Variants in ZNF608 observed in about 807,000 individuals in gnomAD.
The protein encoded by ZNF608 is zinc finger protein 608.
ZNF608 carries 12 observed loss-of-function variants against 109.0 expected under a neutral mutation model. The ratio of observed to expected loss-of-function variants is 0.11; its 90% CI spans 0.07 to 0.18. The LOEUF (loss-of-function observed/expected upper bound fraction) is 0.18, where lower values mean the gene tolerates loss of function less well. ZNF608 is among the 10% of genes least tolerant of loss of function. ZNF608 has a pLI of 1.00. For synonymous variants in ZNF608, 732 were observed against 717.4 expected (o/e 1.02, Z -0.33); for missense variants, 1,707 against 1,879.3 (o/e 0.91, Z 1.70).
chr5:124,691,536 G>A (rs1752632076), intron 3 of ZNF608, among the ~76,000 whole-genome samples: 1 of 152,184 alleles, frequency 6.6e-6, no homozygotes, highest in Non-Finnish European at 1.5e-5. Flanking sequence ...GTATTCCCAT[G>A]TTCATCACAG....
chr5:124,705,393 T>C (rs1419396566), intron 2 of ZNF608, among the ~76,000 whole-genome samples: 1 of 152,156 alleles, frequency 6.6e-6, no homozygotes, highest in Non-Finnish European at 1.5e-5. Flanking sequence ...ACTCAGTGTC[T>C]AGTTCTAAGA....
At chr5:124,664,648 C>A (rs1286775728) in intron 3 of ZNF608, among the ~76,000 whole-genome samples, 1 of 152,182 alleles carries the variant, frequency 6.6e-6, no homozygotes, top group East Asian at 1.9e-4. Flanking sequence ...GAAAGCTTAA[C>A]TGGCTGACTT....
chr5:124,638,591 A>G (rs1313155322), intron 9 of ZNF608, among the ~76,000 whole-genome samples: 1 of 152,220 alleles, frequency 6.6e-6, no homozygotes, highest in Non-Finnish European at 1.5e-5. Context: ...CCAGAAAACC[A>G]TAAGACCGAT....
intron 7 of ZNF608, 130 bp downstream of exon 7, chr5:124,643,381 T>G (rs748387289): frequency 3.4e-4 from 279 of 828,970 alleles, no homozygotes; most frequent in Middle Eastern, 1.9e-3. Context: ...TCTTTACGTA[T>G]TAGGATAAAA....
intron 2 of ZNF608, among the ~76,000 whole-genome samples, chr5:124,727,328 C>A (rs1211489854): frequency 6.6e-6 from 1 of 152,170 alleles, no homozygotes; most frequent in Non-Finnish European, 1.5e-5. Context: ...TTATCACATC[C>A]ATTATCTTTC....
Position 124,738,982 on chromosome 5 carries a change from A to T in ZNF608, c.906+5102T>A, listed in dbSNP as rs552547966. On this transcript the variant is annotated intron_variant, in intron 2 of 9. Transcript: ENST00000513986. ...AAGAACTAGGAGTAGTAGATTTATG[A>T]TTTAAGTGCTTGTGGCTAAAATAGC... is the stretch of plus-strand genomic sequence containing the variant. Among the ~76,000 whole-genome samples the T allele has an allele frequency of 3.3e-5, 5 of 152,350 alleles. No homozygotes were observed. In the East Asian group the frequency reaches 9.6e-4, roughly 29 times the overall value.
At chr5:124,659,843 C>T (rs1751174561) in intron 3 of ZNF608, among the ~76,000 whole-genome samples, 1 of 152,224 alleles carries the variant, frequency 6.6e-6, no homozygotes, top group African/African-American at 2.4e-5. Context: ...AAAGCTGCTA[C>T]TGATCCATGT....
At chr5:124,693,899 G>A (rs1232050493) in intron 3 of ZNF608, among the ~76,000 whole-genome samples, 1 of 149,004 alleles carries the variant, frequency 6.7e-6, no homozygotes, top group Non-Finnish European at 1.5e-5. Context: ...TCTATTGTAC[G>A]CCTATGTGAA....
chr5:124,661,566 T>C lies in ZNF608; in HGVS notation c.1163-11869A>G, dbSNP rs967996936. 3.3e-5 allele frequency among the ~76,000 whole-genome samples: 5 copies of C among 152,052 alleles called. No individual in the cohort carries two copies. In the South Asian group the frequency reaches 1.0e-3, roughly 32 times the overall value. On this transcript the variant is annotated intron_variant, in intron 3 of 9. Transcript: ENST00000513986. ...AGCTCTTTTCTGTAAACAAGCCTAA[T>C]GAAGTGTGACTAATAGTGCTCTCCT...
intron 3 of ZNF608, among the ~76,000 whole-genome samples, chr5:124,681,705 T>C (rs895403994): frequency 5.3e-5 from 8 of 152,150 alleles, no homozygotes; most frequent in African/African-American, 1.9e-4. Flanking sequence ...ACTAGGACCA[T>C]GCTACTCACT....
rs1157060366 is a variant in ZNF608, at chr5:124,711,362, C to T, written c.907-10093G>A. Among the ~76,000 whole-genome samples, 4 of 152,240 alleles carry T rather than the reference C, an allele frequency of 2.6e-5. No homozygotes were observed. In the East Asian group the frequency reaches 5.8e-4, roughly 22 times the overall value. ...GCCTTCTATGCTGCTTAAATTTTGA[C>T]ATGACCATATACTATTTTACCATTT... On this transcript the variant is annotated intron_variant, in intron 2 of 9. Coordinates refer to ENST00000513986, the MANE Select transcript of ZNF608 (RefSeq NM_020747.3).
At chr5:124,685,491 C>G (rs1372219911) in intron 3 of ZNF608, among the ~76,000 whole-genome samples, 2 of 152,090 alleles carry the variant, frequency 1.3e-5, no homozygotes, top group Admixed American at 6.5e-5. Context: ...AACAATTTAC[C>G]CCAAGGAATG....
chr5:124,662,620 ACT>A (rs1242365504), intron 3 of ZNF608, among the ~76,000 whole-genome samples: 1 of 152,216 alleles, frequency 6.6e-6, no homozygotes, highest in African/African-American at 2.4e-5. Context: ...ATTGTTAGTA[ACT>A]CAGTCTTTAT....
chr5:124,710,236 G>A (rs1189341576), intron 2 of ZNF608: 1 of 455,742 alleles, frequency 2.2e-6, no homozygotes, highest in Non-Finnish European at 4.4e-6. Flanking sequence ...AGAAAGGAAA[G>A]AAAAGCCCAT....
intron 5 of ZNF608, 68 bp from the exon 6 acceptor site, chr5:124,644,729 C>T (rs767737220): frequency 1.4e-6 from 2 of 1,385,170 alleles, no homozygotes; most frequent in South Asian, 1.5e-5. Context: ...TTAAAGAAAA[C>T]TTGTTAATAA....
At chr5:124,706,894 C>T (rs747688516) in intron 2 of ZNF608, among the ~76,000 whole-genome samples, 19 of 151,964 alleles carry the variant, frequency 1.3e-4, no homozygotes, top group African/African-American at 2.2e-4. Flanking sequence ...ATTTATCACG[C>T]GAGAGAGCCT....
chr5:124,701,880 T>C (rs1236182371), intron 2 of ZNF608, among the ~76,000 whole-genome samples: 1 of 152,204 alleles, frequency 6.6e-6, no homozygotes, highest in Non-Finnish European at 1.5e-5. Flanking sequence ...GCAGAATTCA[T>C]ATAAGGGGGG....
At chr5:124,728,066 A>G (rs1042558273) in intron 2 of ZNF608, among the ~76,000 whole-genome samples, 10 of 152,104 alleles carry the variant, frequency 6.6e-5, no homozygotes, top group Non-Finnish European at 7.4e-5. Context: ...ACATCTGTAA[A>G]GGAGGTTCTC....
chr5:124,733,641 A>C (rs1460661576), intron 2 of ZNF608, among the ~76,000 whole-genome samples: 1 of 152,136 alleles, frequency 6.6e-6, no homozygotes, highest in East Asian at 1.9e-4. Flanking sequence ...TATTGTGAGC[A>C]TTTCACTACA....
Sources: allele counts gnomAD v4.1 joint callset (sites outside exome capture counted in the v4.1 genomes callset), GRCh38; gene constraint gnomAD v4.1.1; transcripts MANE v1.5; gene names NCBI Gene and HGNC (gene_info 2026-07-23, HGNC 2026-07-21).